Variants in ATRNL1 observed in about 807,000 individuals in gnomAD.
ATRNL1 encodes the protein attractin-like protein 1.
ATRNL1 carries 95 observed loss-of-function variants against 182.7 expected under a neutral mutation model. That is an observed-to-expected ratio of 0.52 (90% CI 0.44 to 0.62). The LOEUF (loss-of-function observed/expected upper bound fraction) is 0.62, where lower values mean the gene tolerates loss of function less well. Ranked by LOEUF, ATRNL1 falls within the 20% of genes least tolerant of loss-of-function variation. The pLI, the probability that ATRNL1 is intolerant of heterozygous loss-of-function variation, is 0.00. For missense variants in ATRNL1, 1,471 were observed against 1,679.5 expected (o/e 0.88, Z 2.17); for synonymous variants, 576 against 568.3 (o/e 1.01, Z -0.19).
intron 26 of ATRNL1, among the ~76,000 whole-genome samples, chr10:115,642,436 A>G (rs1859312323): frequency 1.5e-5 from 2 of 130,832 alleles, no homozygotes; most frequent in African/African-American, 5.6e-5. Context: ...TAAAAATTCT[A>G]GTGCTTTTTT....
Position 115,944,775 on chromosome 10 carries a change from T to C in ATRNL1, c.4136T>C (p.Val1379Ala). 1 of 1,613,010 alleles carries C rather than the reference T, an allele frequency of 6.2e-7. No homozygotes were observed. The highest frequency in any genetic ancestry group is 8.5e-7 in the Non-Finnish European group (1 of 1,179,424). Residue 1379 changes from valine to alanine, a missense_variant, in exon 29 of 29, where the codon GTC becomes GCC. Physicochemically the swap from Val to Ala is moderately conservative, Grantham distance 64 (BLOSUM62 0). This residue lies in a region of ATRNL1 where 437 missense variants were observed against 506.0 expected (regional missense o/e 0.86). Transcript: ENST00000355044. ...KHLSTRQGTC[V>A] The stretch of plus-strand genomic sequence containing the variant: ...CTTTCAACACGTCAAGGAACTTGTG[T>C]CTGAGAAATGGAAACCGCTCCTGTA...
chr10:115,171,585 G>A (rs1336441678), intron 8 of ATRNL1, among the ~76,000 whole-genome samples: 1 of 151,812 alleles, frequency 6.6e-6, no homozygotes, highest in Non-Finnish European at 1.5e-5. Flanking sequence ...CTATTTCTTT[G>A]GATTTTATTT....
At chr10:115,122,572 A>G (rs1844790936) in intron 3 of ATRNL1, among the ~76,000 whole-genome samples, 1 of 152,032 alleles carries the variant, frequency 6.6e-6, no homozygotes, top group South Asian at 2.1e-4. Context: ...TTAAGTATGG[A>G]TAAAAGCTTA....
rs67676674 is a variant in ATRNL1 at position 115,868,822 on chromosome 10, C to CTTTTTTTTTTTTTTTTTTTTTTT, written c.4018+20834_4018+20856dup. Reference sequence around the variant, plus strand: ...ATATATCTGGTGGCAAGTCTTTATTCTTTTTTTTTTTTTTTTTTTTTTTTT... The same window carrying CTTTTTTTTTTTTTTTTTTTTTTT: ...ATATATCTGGTGGCAAGTCTTTATTCTTTTTTTTTTTTTTTTTTTTTTTTTTTTTTTTTTTTTTTTTTTTTTTT... On this transcript the variant is annotated intron_variant, in intron 28 of 28. Coordinates refer to ENST00000355044, the MANE Select transcript of ATRNL1 (RefSeq NM_207303.4). 4.5e-4 allele frequency among the ~76,000 whole-genome samples: 26 copies of CTTTTTTTTTTTTTTTTTTTTTTT among 58,092 alleles called. 7 individuals carry two copies. The highest frequency in any genetic ancestry group is 5.1e-4 in the Non-Finnish European group (16 of 31,534). 38.1% of individuals were successfully genotyped at this position (58,092 alleles called of 152,430 possible). A position where few individuals can be genotyped will look rare whatever the true frequency, so the allele number is the denominator to read the frequency against.
At chr10:115,149,652 A>T (rs1417215161) in intron 5 of ATRNL1, among the ~76,000 whole-genome samples, 1 of 152,020 alleles carries the variant, frequency 6.6e-6, no homozygotes, top group East Asian at 1.9e-4. Context: ...ATTGATTTGC[A>T]TATATTGAGC....
intron 9 of ATRNL1, among the ~76,000 whole-genome samples, chr10:115,216,103 AT>A (rs560683523): frequency 1.2e-3 from 179 of 152,238 alleles, no homozygotes; most frequent in African/African-American, 4.0e-3. Context: ...TCATCTGTAA[AT>A]TTTAAAAAGC....
At position 115,365,435 on chromosome 10, in the gene ATRNL1, C is replaced by T. The variant is rs1296929150; in HGVS notation, c.3176-29224C>T. On this transcript the variant is annotated intron_variant, in intron 19 of 28. Transcript: ENST00000355044. ...TTTTTTTCTTTATTAGTCTTGCTAG[C>T]GGTCTATGAATTTTGTTGATCCTTT... Among the ~76,000 whole-genome samples, 112 of 151,808 alleles carry T rather than the reference C, an allele frequency of 7.4e-4. 1 individual carries two copies. The highest frequency in any genetic ancestry group is 2.3e-3 in the African/African-American group (96 of 41,374).
At chr10:115,559,087 G>A (rs1853504862) in intron 26 of ATRNL1, among the ~76,000 whole-genome samples, 1 of 152,088 alleles carries the variant, frequency 6.6e-6, no homozygotes, top group African/African-American at 2.4e-5. Flanking sequence ...TTCATGACTG[G>A]CGAGATAATA....
intron 1 of ATRNL1, among the ~76,000 whole-genome samples, chr10:115,102,113 A>C (rs1309807968): frequency 6.6e-6 from 1 of 152,168 alleles, no homozygotes; most frequent in Non-Finnish European, 1.5e-5. Context: ...ATCTTCAGTT[A>C]TAATTTTGTA....
intron 27 of ATRNL1, among the ~76,000 whole-genome samples, chr10:115,728,623 TG>T (rs1418152626): frequency 1.3e-5 from 2 of 152,196 alleles, no homozygotes; most frequent in East Asian, 1.9e-4. Context: ...GTAGCATTTT[TG>T]TTTTTTCTGA....
chr10:115,654,933 T>C (rs1337935984), intron 26 of ATRNL1, among the ~76,000 whole-genome samples: 2 of 152,192 alleles, frequency 1.3e-5, no homozygotes, highest in African/African-American at 4.8e-5. Context: ...TTCTTGTCTC[T>C]TAGAGCACTT....
chr10:115,186,302 G>C (rs1443811543), intron 8 of ATRNL1, among the ~76,000 whole-genome samples: 4 of 151,864 alleles, frequency 2.6e-5, no homozygotes, highest in Admixed American at 2.0e-4. Context: ...CAGTTCGGAG[G>C]TTCCTCAAAA....
chr10:115,405,828 G>A (rs1256490827), intron 20 of ATRNL1, among the ~76,000 whole-genome samples: 21 of 145,488 alleles, frequency 1.4e-4, no homozygotes, highest in Non-Finnish European at 2.9e-4. Context: ...ATCTCCAAAT[G>A]CTATCCCTCC....
In ATRNL1 at chr10:115,519,335, G is replaced by T. The variant is rs782585167; in HGVS notation, c.3716+11G>T. ...TGTCACCTTCTTCAGGTAAAAGTTT[G>T]CTTTGACTGACTTTGAACTTTTCAA... On this transcript the variant is annotated intron_variant, in intron 25 of 28. Coordinates refer to ENST00000355044, the MANE Select transcript of ATRNL1 (RefSeq NM_207303.4). The T allele has an allele frequency of 6.2e-7, 1 of 1,608,284 alleles. No homozygotes were observed. Among genetic ancestry groups the T allele is most frequent in the Non-Finnish European group, 8.5e-7 (1 of 1,176,358 alleles).
intron 11 of ATRNL1, 55 bp downstream of exon 11, chr10:115,265,332 C>A: frequency 9.3e-7 from 1 of 1,077,972 alleles, no homozygotes. Flanking sequence ...GTCATACTAT[C>A]CTCATATTCT....
rs1337149285 is a variant in ATRNL1 at position 115,502,895 on chromosome 10, TA to T, written c.3655-16361del. Among the ~76,000 whole-genome samples the T allele has an allele frequency of 4.1e-4, 63 of 152,056 alleles. 1 individual carries two copies. The highest frequency in any genetic ancestry group is 1.6e-4 in the Non-Finnish European group (11 of 67,990). On this transcript the variant is annotated intron_variant, in intron 24 of 28. Transcript: ENST00000355044. Reference sequence around the variant, plus strand: ...TTCCCCAGAACTTAAAGTATAATTTTAAAAAAAGGCCCTAACAGTCTCACAT... The same window carrying T: ...TTCCCCAGAACTTAAAGTATAATTTTAAAAAAGGCCCTAACAGTCTCACAT...
chr10:115,682,167 C>G (rs527408800), intron 26 of ATRNL1, among the ~76,000 whole-genome samples: 1 of 152,276 alleles, frequency 6.6e-6, no homozygotes, highest in South Asian at 2.1e-4. Flanking sequence ...CTCACCCTAG[C>G]TCCACAACTT....
intron 27 of ATRNL1, among the ~76,000 whole-genome samples, chr10:115,821,616 A>G (rs563718069): frequency 1.7e-4 from 26 of 152,316 alleles, no homozygotes; most frequent in Middle Eastern, 3.4e-3. Flanking sequence ...GAAAGCAAAA[A>G]AAGCAAGGGT....
intron 26 of ATRNL1, among the ~76,000 whole-genome samples, chr10:115,609,133 G>T (rs531847897): frequency 6.6e-6 from 1 of 152,078 alleles, no homozygotes; most frequent in South Asian, 2.1e-4. Flanking sequence ...GTGAGTTATG[G>T]TTGGTGAAAA....
Sources: allele counts gnomAD v4.1 joint callset (sites outside exome capture counted in the v4.1 genomes callset), GRCh38; gene constraint gnomAD v4.1.1; regional missense constraint gnomAD v4.1.1; transcripts MANE v1.5; gene names NCBI Gene and HGNC (gene_info 2026-07-23, HGNC 2026-07-21).